The following CD163 variants were observed in gnomAD, a reference collection of about 807,000 sequenced individuals.
CD163 encodes scavenger receptor cysteine-rich type 1 protein M130.
In CD163, 64 loss-of-function variants were observed where a neutral mutation model predicts 129.2. That is an observed-to-expected ratio of 0.50 (90% CI 0.41 to 0.61). CD163 has a LOEUF of 0.61. Ranked by LOEUF, CD163 falls within the 20% of genes least tolerant of loss-of-function variation. The pLI is 0.00. For synonymous variants in CD163, 446 were observed against 478.5 expected (o/e 0.93, Z 0.89); for missense variants, 1,061 against 1,377.9 (o/e 0.77, Z 3.64).
intron 4 of CD163, 88 bp downstream of exon 4, chr12:7,498,780 T>C (rs1949437410): frequency 4.0e-6 from 5 of 1,245,590 alleles, no homozygotes; most frequent in Non-Finnish European, 4.5e-6. Flanking sequence ...GACTTCATTA[T>C]GTTCTTAAGA....
chr12:7,491,233 C>T (rs893122079), intron 6 of CD163, among the ~76,000 whole-genome samples: 3 of 152,056 alleles, frequency 2.0e-5, no homozygotes, highest in African/African-American at 7.2e-5. Context: ...CTCTTGTTTT[C>T]TTTGTACTAA....
rs1565399385 is a variant in CD163, at chr12:7,482,677, CAAG to C, written c.3210_3212del (p.Phe1070del). 2 of 1,613,942 alleles carry C rather than the reference CAAG, an allele frequency of 1.2e-6. No homozygotes were observed. Among genetic ancestry groups the C allele is most frequent in the Middle Eastern group, 1.6e-4 (1 of 6,082 alleles). On this transcript the variant is annotated inframe_deletion, in exon 14 of 17. Coordinates refer to ENST00000432237, the MANE Select transcript of CD163 (RefSeq NM_203416.4). The stretch of plus-strand genomic sequence containing the variant: ...GCTGTCTCTGTCTTCGCTTTTTAGT[CAAG>C]AAGAATAATGCGACGAAAATGGCCA...
intron 2 of CD163, among the ~76,000 whole-genome samples, chr12:7,502,114 A>C (rs1949499162): frequency 6.6e-6 from 1 of 152,142 alleles, no homozygotes; most frequent in African/African-American, 2.4e-5. Context: ...GGCATCTCTC[A>C]ATACATTTTT....
chr12:7,501,164 T>C lies in CD163; in HGVS notation c.432A>G (p.Gln144=), dbSNP rs1451372079. 1.9e-6 allele frequency: 3 copies of C among 1,614,030 alleles called. No individual in the cohort carries two copies. Among genetic ancestry groups the C allele is most frequent in the Admixed American group, 3.3e-5 (2 of 60,012 alleles). Residue 144 remains glutamine, a synonymous_variant, in exon 3 of 17, where the codon CAA becomes CAG. Coordinates refer to ENST00000432237, the MANE Select transcript of CD163 (RefSeq NM_203416.4). ...CTGAGCAGGTCACTCCAGCATCTTGTTGGTGAGTACAGTTACTATGCTTTC... is the reference window on the plus strand; with the variant it reads ...CTGAGCAGGTCACTCCAGCATCTTGCTGGTGAGTACAGTTACTATGCTTTC... The part of the protein sequence containing the change: ...GWGKHSNCTH[Q]QDAGVTCSDG...
intron 14 of CD163, 28 bp downstream of exon 14, chr12:7,482,615 T>C: frequency 1.9e-6 from 3 of 1,613,514 alleles, no homozygotes; most frequent in Non-Finnish European, 2.5e-6. Context: ...CCTGTAGACA[T>C]ATTAGATAAA....
chr12:7,480,907 T>C, intron 15 of CD163: 1 of 1,126,608 alleles, frequency 8.9e-7, no homozygotes. Flanking sequence ...CAAGTCATAA[T>C]ATTCCTCTGC....
At chr12:7,484,624 A>G (rs916451912) in intron 11 of CD163, among the ~76,000 whole-genome samples, 3 of 141,168 alleles carry the variant, frequency 2.1e-5, no homozygotes, top group African/African-American at 7.7e-5. Flanking sequence ...GGGGAACAAG[A>G]GCAAAACTCT....
At chr12:7,474,357 G>T (rs937486868) in intron 16 of CD163, among the ~76,000 whole-genome samples, 4 of 152,014 alleles carry the variant, frequency 2.6e-5, no homozygotes, top group Non-Finnish European at 5.9e-5. Flanking sequence ...AAATGCAAAA[G>T]AACAGAAATC....
At chr12:7,488,485 G>T (rs1243618810) in intron 6 of CD163, among the ~76,000 whole-genome samples, 1 of 152,090 alleles carries the variant, frequency 6.6e-6, no homozygotes. Context: ...CAACCTTTTT[G>T]AATTGTTCTA....
intron 2 of CD163, among the ~76,000 whole-genome samples, chr12:7,502,005 AC>A (rs1395360038): frequency 1.3e-5 from 2 of 152,140 alleles, no homozygotes; most frequent in Non-Finnish European, 2.9e-5. Context: ...CATAAAATAA[AC>A]CTCTTTGTAC....
chr12:7,485,173 G>A lies in CD163; in HGVS notation c.2702C>T (p.Thr901Met), dbSNP rs61729512. ...TGGAGATGATGGGCACTGCCACAGC[G>A]TGTCAGGTCCTTTTGGACACTGAAC... Reference protein sequence around the residue: ...DNVQCPKGPDTLWQCPSSPWE... With the variant: ...DNVQCPKGPDMLWQCPSSPWE... Residue 901 changes from threonine (T) to methionine (M), a missense_variant, in exon 11 of 17, where the codon ACG becomes ATG. Transcript: ENST00000432237. This position sits in a 1 kb window ranked among gnomAD's most constrained non-coding sequence, Gnocchi z 4.5. The A allele has an allele frequency of 0.13, 202,535 of 1,613,952 alleles. 14,840 individuals carry two copies. The highest frequency in any genetic ancestry group is 0.28 in the Admixed American group (16,655 of 60,008).
At chr12:7,498,582 T>C (rs1949435092) in intron 4 of CD163, among the ~76,000 whole-genome samples, 1 of 152,134 alleles carries the variant, frequency 6.6e-6, no homozygotes. Context: ...TTCCCCTCTT[T>C]TTCTTTTCGG....
At chr12:7,476,450 G>C (rs1949088657) in intron 16 of CD163, among the ~76,000 whole-genome samples, 1 of 152,114 alleles carries the variant, frequency 6.6e-6, no homozygotes, top group African/African-American at 2.4e-5. Context: ...ACAACCATCT[G>C]ATCTTCAACA....
chr12:7,495,119 G>A lies in CD163; in HGVS notation c.1382C>T (p.Thr461Ile). 1.9e-6 allele frequency: 3 copies of A among 1,614,146 alleles called. No individual in the cohort carries two copies. The highest frequency in any genetic ancestry group is 2.5e-6 in the Non-Finnish European group (3 of 1,179,980). The change falls in exon 6 of 17, where the codon ACC (threonine) becomes ATC (isoleucine). Residue 461 changes from threonine to isoleucine, a missense_variant. Thr to Ile is a moderately conservative substitution (Grantham distance 89). Transcript: ENST00000432237. Reference sequence around the variant, plus strand: ...TTTGGCTTCTTCATAGTGATCACAGGTAAGTCCACCCCATTGCCAGTTCTT... The same window carrying A: ...TTTGGCTTCTTCATAGTGATCACAGATAAGTCCACCCCATTGCCAGTTCTT... ...DCKNWQWGGL[T>I]CDHYEEAKIT...
Position 7,483,508 on chromosome 12 carries a change from C to G in CD163, c.2947G>C (p.Glu983Gln). Residue 983 changes from glutamate to glutamine, a missense_variant, in exon 12 of 17, where the codon GAG becomes CAG. Coordinates refer to ENST00000432237, the MANE Select transcript of CD163 (RefSeq NM_203416.4). ...ATCGGTCCAGTCCCCTGACCAAACT[C>G]TGCTTCTTTGAATGCTTTCAAAGCT... is the stretch of plus-strand genomic sequence containing the variant. ...GPALKAFKEA[E>Q]FGQGTGPIWL... 1.2e-6 allele frequency: 2 copies of G among 1,614,072 alleles called. No individual in the cohort carries two copies. The highest frequency in any genetic ancestry group is 1.7e-6 in the Non-Finnish European group (2 of 1,179,998).
At chr12:7,483,342 C>T (rs774178726) in intron 12 of CD163, 25 bp downstream of exon 12, 5 of 1,591,646 alleles carry the variant, frequency 3.1e-6, no homozygotes, top group Admixed American at 1.7e-5. Context: ...AGATTCCAAG[C>T]TCAATCCAGG....
intron 16 of CD163, among the ~76,000 whole-genome samples, chr12:7,475,878 C>T (rs1487199589): frequency 6.6e-6 from 1 of 152,180 alleles, no homozygotes; most frequent in African/African-American, 2.4e-5. Context: ...AGATAAGCAA[C>T]TTCAGCAAAG....
chr12:7,490,178 G>C (rs1398303188), intron 6 of CD163, among the ~76,000 whole-genome samples: 1 of 151,918 alleles, frequency 6.6e-6, no homozygotes, highest in Non-Finnish European at 1.5e-5. Context: ...TAGACTATGG[G>C]GGAGAGAATA....
At chr12:7,474,010 A>C (rs773304485) in intron 16 of CD163, among the ~76,000 whole-genome samples, 1 of 152,340 alleles carries the variant, frequency 6.6e-6, no homozygotes, top group South Asian at 2.1e-4. Flanking sequence ...TAAAGGAATC[A>C]ATGCAACAAG....
Sources: gnomAD v4.1 joint callset for allele counts (sites outside exome capture counted in the v4.1 genomes callset) on GRCh38, gnomAD v4.1.1 for gene constraint, Gnocchi (gnomAD v3.1) non-coding constraint, MANE v1.5 for transcripts, NCBI Gene and HGNC (gene_info 2026-07-23, HGNC 2026-07-21) for gene names.